CDH2: variants seen among roughly 807,000 people sequenced by gnomAD.
CDH2 encodes cadherin 2.
Under a neutral mutation model 92.0 loss-of-function variants are expected in CDH2, and 17 were observed. The ratio of observed to expected loss-of-function variants is 0.18; its 90% confidence interval spans 0.13 to 0.28. CDH2 has a LOEUF of 0.28. Ranked by LOEUF, CDH2 falls within the 10% of genes least tolerant of loss-of-function variation. CDH2 has a pLI of 1.00. For missense variants in CDH2, 862 were observed against 1,133.1 expected, an observed-to-expected ratio of 0.76 and a Z score of 3.44; for synonymous variants, 419 against 415.9, an observed-to-expected ratio of 1.01 and a Z score of -0.09.
chr18:27,957,342 T>C (rs533052090), intron 15 of CDH2, among the ~76,000 whole-genome samples: 213 of 152,200 alleles, frequency 1.4e-3, no homozygotes, highest in African/African-American at 4.9e-3. Flanking sequence ...TTGACCTTCC[T>C]GGGCTCAGGT....
chr18:28,006,306 G>T (rs560025334), intron 5 of CDH2, among the ~76,000 whole-genome samples: 1 of 152,274 alleles, frequency 6.6e-6, no homozygotes, highest in South Asian at 2.1e-4. Flanking sequence ...GAAAGACTAG[G>T]AAATTTATGA....
At chr18:28,149,186 A>G (rs974666760) in intron 1 of CDH2, among the ~76,000 whole-genome samples, 1 of 152,186 alleles carries the variant, frequency 6.6e-6, no homozygotes, top group Non-Finnish European at 1.5e-5. Flanking sequence ...CCATATTCCT[A>G]GGGAAATATT....
chr18:28,116,224 T>C (rs2015493803), intron 2 of CDH2, among the ~76,000 whole-genome samples: 1 of 152,148 alleles, frequency 6.6e-6, no homozygotes, highest in Non-Finnish European at 1.5e-5. Context: ...GTATTTTTTT[T>C]GAAATTTTAC....
rs5823568 is a variant in CDH2, at chr18:27,955,761, G to GTTTTTTTTTTTTTTTTTTTTT, written c.2515-3403_2515-3402insAAAAAAAAAAAAAAAAAAAAA. ...ACAAATCTCTGTTTTCTTTATTTCT[G>GTTTTTTTTTTTTTTTTTTTTT]TTTTTTTTTTTTTTTTTTTAAAGAG... On this transcript the variant is annotated intron_variant, in intron 15 of 15. Coordinates refer to ENST00000269141, the MANE Select transcript of CDH2 (RefSeq NM_001792.5). Among the ~76,000 whole-genome samples, 34 of 111,708 alleles carry GTTTTTTTTTTTTTTTTTTTTT rather than the reference G, an allele frequency of 3.0e-4. 3 individuals carry two copies. The highest frequency in any genetic ancestry group is 4.1e-4 in the Non-Finnish European group (23 of 56,780). 73.3% of individuals were successfully genotyped at this position (111,708 alleles called of 152,430 possible).
At chr18:27,959,002 A>G (rs1484228479) in intron 15 of CDH2, among the ~76,000 whole-genome samples, 2 of 152,220 alleles carry the variant, frequency 1.3e-5, no homozygotes, top group Non-Finnish European at 2.9e-5. Flanking sequence ...TAAATCACTC[A>G]GGCTTGGCAG....
At chr18:27,967,463 G>C (rs1162392039) in intron 14 of CDH2, among the ~76,000 whole-genome samples, 1 of 152,110 alleles carries the variant, frequency 6.6e-6, no homozygotes, top group Admixed American at 6.6e-5. Context: ...TCTTCTCAAC[G>C]TCATTGGGTT....
chr18:27,945,878 G>A (rs185728668), intron 6 of CDH2, among the ~76,000 whole-genome samples: 9 of 152,280 alleles, frequency 5.9e-5, no homozygotes, highest in Non-Finnish European at 1.2e-4. Context: ...GGACATACAT[G>A]TTGTTTAAAA....
At chr18:27,947,594 G>A (rs1482219076), downstream of CDH2, among the ~76,000 whole-genome samples, 4 of 151,866 alleles carry the variant, frequency 2.6e-5, no homozygotes, top group South Asian at 8.3e-4. Flanking sequence ...AAAGGTCAAT[G>A]GAATAGAAGA....
intron 2 of CDH2, among the ~76,000 whole-genome samples, chr18:28,038,716 T>A (rs911472578): frequency 6.6e-6 from 1 of 152,000 alleles, no homozygotes; most frequent in African/African-American, 2.4e-5. Flanking sequence ...AAAAAGGTAT[T>A]TTACAAAATG....
At chr18:28,060,181 A>C (rs2014374288) in intron 2 of CDH2, among the ~76,000 whole-genome samples, 1 of 147,390 alleles carries the variant, frequency 6.8e-6, no homozygotes, top group African/African-American at 2.5e-5. Flanking sequence ...TCCTTTACTT[A>C]TCATCATCAT....
At chr18:28,045,954 G>A (rs1366829962) in intron 2 of CDH2, among the ~76,000 whole-genome samples, 1 of 152,132 alleles carries the variant, frequency 6.6e-6, no homozygotes, top group African/African-American at 2.4e-5. Context: ...TCACTGGACC[G>A]ACAATGATAC....
At chr18:27,933,266 C>A (rs1289523974) in intron 6 of CDH2, among the ~76,000 whole-genome samples, 1 of 152,118 alleles carries the variant, frequency 6.6e-6, no homozygotes, top group Non-Finnish European at 1.5e-5. Flanking sequence ...TACCTAAGAT[C>A]AACTTCATAT....
At chr18:28,094,185 G>A (rs1405918763) in intron 2 of CDH2, among the ~76,000 whole-genome samples, 1 of 152,134 alleles carries the variant, frequency 6.6e-6, no homozygotes, top group African/African-American at 2.4e-5. Context: ...TAAAAATGAG[G>A]AGTTAAAAGA....
At chr18:28,074,202 G>A (rs2014675256) in intron 2 of CDH2, among the ~76,000 whole-genome samples, 1 of 152,148 alleles carries the variant, frequency 6.6e-6, no homozygotes, top group African/African-American at 2.4e-5. Context: ...CACTTCTCAA[G>A]CAAAGATCAA....
chr18:27,959,227 A>C (rs1268868656), intron 15 of CDH2, among the ~76,000 whole-genome samples: 1 of 152,214 alleles, frequency 6.6e-6, no homozygotes. Context: ...TCTCAGTTGA[A>C]ATTCAAAAAC....
At chr18:28,170,753 T>C (rs1302879285) in intron 1 of CDH2, among the ~76,000 whole-genome samples, 1 of 152,090 alleles carries the variant, frequency 6.6e-6, no homozygotes, top group Non-Finnish European at 1.5e-5. Flanking sequence ...ACAGCAGGGG[T>C]TATTAAATTT....
chr18:27,950,887 G>A (rs775958992), downstream of CDH2: 2 of 152,404 alleles, frequency 1.3e-5, no homozygotes, highest in Non-Finnish European at 2.9e-5. Flanking sequence ...CATACTTTTT[G>A]TACTGTTGTT....
chr18:28,054,234 C>A (rs2014248325), intron 2 of CDH2, among the ~76,000 whole-genome samples: 1 of 152,054 alleles, frequency 6.6e-6, no homozygotes, highest in African/African-American at 2.4e-5. Context: ...TGCATAAGAA[C>A]CATGGACTCA....
intron 2 of CDH2, among the ~76,000 whole-genome samples, chr18:28,122,350 C>T (rs2015604153): frequency 6.6e-6 from 1 of 152,088 alleles, no homozygotes; most frequent in Admixed American, 6.6e-5. Context: ...CAGTGTTGTA[C>T]TATGGTATTT....
Sources: allele counts gnomAD v4.1 joint callset (sites outside exome capture counted in the v4.1 genomes callset), GRCh38; gene constraint gnomAD v4.1.1; transcripts MANE v1.5; gene names NCBI Gene and HGNC (gene_info 2026-07-23, HGNC 2026-07-21).